CACHD1: variants seen among roughly 807,000 people sequenced by gnomAD.
The protein encoded by CACHD1 is cache domain containing 1, also known as VWFA and cache domain-containing protein 1.
CACHD1 carries 71 observed loss-of-function variants against 138.7 expected under a neutral mutation model. The observed-to-expected ratio is 0.51, with a 90% confidence interval of 0.42 to 0.62. The LOEUF is 0.62. CACHD1 is among the 20% of genes least tolerant of loss of function. CACHD1 has a pLI of 0.00. For missense variants in CACHD1, 1,389 were observed against 1,625.3 expected (o/e 0.85, Z 2.50); for synonymous variants, 578 against 591.5 (o/e 0.98, Z 0.33).
intron 2 of CACHD1, among the ~76,000 whole-genome samples, chr1:64,574,686 G>C (rs1196811959): frequency 6.6e-6 from 1 of 152,058 alleles, no homozygotes; most frequent in African/African-American, 2.4e-5. Flanking sequence ...ATAATACATT[G>C]GATACTCTGC....
chr1:64,676,001 AATAATAATAAT>A lies in CACHD1; in HGVS notation c.2975+20_2975+30del, dbSNP rs1402501335. The A allele has an allele frequency of 9.0e-5, 15 of 166,258 alleles. 1 individual carries two copies. The African/African-American group carries it at 1.1e-3, about 12-fold the overall frequency. 10.3% of individuals were successfully genotyped at this position (166,258 alleles called of 1,614,324 possible). ...GAGAACCGGTAAAATAATTAATAAT[AATAATAATAAT>A]AATAATAATAATAATAATAATAATA... is the stretch of plus-strand genomic sequence containing the variant. On this transcript the variant is annotated intron_variant, in intron 21 of 26. Coordinates refer to ENST00000651257, the MANE Select transcript of CACHD1 (RefSeq NM_020925.4).
At chr1:64,677,692 G>A (rs1650041918) in intron 22 of CACHD1, among the ~76,000 whole-genome samples, 1 of 152,196 alleles carries the variant, frequency 6.6e-6, no homozygotes, top group Admixed American at 6.5e-5. Flanking sequence ...ATATTCTCTT[G>A]AGACAGTCAC....
chr1:64,634,694 T>TA (rs902020588), intron 7 of CACHD1, among the ~76,000 whole-genome samples: 15 of 151,334 alleles, frequency 9.9e-5, no homozygotes, highest in South Asian at 2.1e-4. Context: ...GTAGAGGGAT[T>TA]AAAAAAAAAT....
chr1:64,503,200 G>A (rs1006854829), intron 1 of CACHD1, among the ~76,000 whole-genome samples: 1 of 152,102 alleles, frequency 6.6e-6, no homozygotes, highest in African/African-American at 2.4e-5. Context: ...GCTGATAGTG[G>A]GAGTTTTTTA....
At chr1:64,500,031 A>G (rs373411824) in intron 1 of CACHD1, among the ~76,000 whole-genome samples, 1 of 152,212 alleles carries the variant, frequency 6.6e-6, no homozygotes, top group Non-Finnish European at 1.5e-5. Context: ...TTCTGGTTTA[A>G]TATGTCTTCT....
rs765589477 is a variant in CACHD1, at chr1:64,653,754, G to A, written c.1541-4G>A. On this transcript the variant is annotated splice_region_variant and splice_polypyrimidine_tract_variant and intron_variant, in intron 10 of 26. Transcript: ENST00000651257. ...TTAACATGCATTTTGTTTTCTTATT[G>A]CAGGATATACACTTATGCACCCATC... is the stretch of plus-strand genomic sequence containing the variant. The A allele has an allele frequency of 2.9e-5, 46 of 1,602,420 alleles. 1 individual carries two copies. In the South Asian group the frequency reaches 3.2e-4, roughly 11 times the overall value.
chr1:64,480,627 T>A (rs1369430196), intron 1 of CACHD1, among the ~76,000 whole-genome samples: 1 of 152,086 alleles, frequency 6.6e-6, no homozygotes, highest in Non-Finnish European at 1.5e-5. Flanking sequence ...AGGTAAGTGG[T>A]CAATAACTAT....
At chr1:64,604,959 T>C (rs767618611) in intron 4 of CACHD1, among the ~76,000 whole-genome samples, 10 of 143,074 alleles carry the variant, frequency 7.0e-5, no homozygotes, top group Non-Finnish European at 1.4e-4. Flanking sequence ...GCTTTTTTTC[T>C]TTTTTTTCTT....
chr1:64,668,974 A>T (rs902371582), intron 16 of CACHD1, among the ~76,000 whole-genome samples: 1 of 152,158 alleles, frequency 6.6e-6, no homozygotes, highest in African/African-American at 2.4e-5. Context: ...CAAAAAGTAG[A>T]TTTGCCATTT....
At chr1:64,674,477 C>T (rs955574663) in intron 19 of CACHD1, among the ~76,000 whole-genome samples, 6 of 152,266 alleles carry the variant, frequency 3.9e-5, no homozygotes, top group South Asian at 4.1e-4. Context: ...AAGGCAAATT[C>T]GAATAATTTA....
chr1:64,582,141 A>G lies in CACHD1; in HGVS notation c.262-15A>G. On this transcript the variant is annotated splice_polypyrimidine_tract_variant and intron_variant, in intron 2 of 26. Transcript: ENST00000651257. ...CTTGGACTTTCGATTTATTTTGCTC[A>G]CTGTCATCCCACAGCTAGCCAAAAA... The G allele has an allele frequency of 6.2e-7, 1 of 1,612,918 alleles. No individual in the cohort carries two copies. The highest frequency in any genetic ancestry group is 8.5e-7 in the Non-Finnish European group (1 of 1,179,332).
At position 64,602,791 on chromosome 1, in the gene CACHD1, C is replaced by G. The variant is rs780741848; in HGVS notation, c.411-15C>G. 8 of 1,563,872 alleles carry G rather than the reference C, an allele frequency of 5.1e-6. No homozygotes were observed. Among genetic ancestry groups the G allele is most frequent in the Non-Finnish European group, 7.1e-6 (8 of 1,134,568 alleles). On this transcript the variant is annotated splice_polypyrimidine_tract_variant and intron_variant, in intron 3 of 26. Transcript: ENST00000651257. Reference sequence around the variant, plus strand: ...GGCCTGAATAAGTATTGCTAATTCTCTCCTATTGTTTCAGATTCGATGGGA... The same window carrying G: ...GGCCTGAATAAGTATTGCTAATTCTGTCCTATTGTTTCAGATTCGATGGGA...
intron 12 of CACHD1, 99 bp downstream of exon 12, chr1:64,654,902 A>C (rs1164403674): frequency 2.4e-6 from 2 of 819,074 alleles, no homozygotes; most frequent in Non-Finnish European, 4.1e-6. Flanking sequence ...TGGGTCTGAT[A>C]ATTTGTCTCG....
chr1:64,604,444 G>A (rs1348708859), intron 4 of CACHD1, among the ~76,000 whole-genome samples: 3 of 152,142 alleles, frequency 2.0e-5, no homozygotes, highest in South Asian at 2.1e-4. Flanking sequence ...ACTGGCACAG[G>A]GTGCAAAGCT....
chr1:64,582,281 T>C lies in CACHD1; in HGVS notation c.387T>C (p.Cys129=). ...CCCTAACTGCAATTCAAGACTGCTG[T>C]ACTATCCCACCTTCCATGATGGAGT... ...TSPLTAIQDC[C]TIPPSMMEFD... The change falls in exon 3 of 27, where the codon TGT becomes TGC. Residue 129 remains cysteine (C), a synonymous_variant. Transcript: ENST00000651257. The C allele has an allele frequency of 1.9e-6, 3 of 1,613,870 alleles. No individual in the cohort carries two copies. The highest frequency in any genetic ancestry group is 2.5e-6 in the Non-Finnish European group (3 of 1,179,802).
chr1:64,541,313 A>C (rs1393872965), intron 1 of CACHD1, among the ~76,000 whole-genome samples: 1 of 152,270 alleles, frequency 6.6e-6, no homozygotes, highest in Non-Finnish European at 1.5e-5. Context: ...TAGGACCTAG[A>C]AATTCTAAAG....
chr1:64,484,131 A>AC (rs1646227794), intron 1 of CACHD1, among the ~76,000 whole-genome samples: 1 of 152,038 alleles, frequency 6.6e-6, no homozygotes, highest in Non-Finnish European at 1.5e-5. Context: ...ACTTAGAAGT[A>AC]CCCCATAAAT....
At chr1:64,590,837 T>G (rs539283192) in intron 3 of CACHD1, among the ~76,000 whole-genome samples, 10 of 152,270 alleles carry the variant, frequency 6.6e-5, no homozygotes, top group Admixed American at 4.6e-4. Context: ...TATACCTGAG[T>G]CATGTAGTAC....
chr1:64,678,330 C>G lies in CACHD1; in HGVS notation c.3244+20C>G. On this transcript the variant is annotated intron_variant, in intron 23 of 26. Coordinates refer to ENST00000651257, the MANE Select transcript of CACHD1 (RefSeq NM_020925.4). ...CAATAGGTATGTTTGTTAGATGCCC[C>G]AACAATTTGATTCTTGAATATACAA... is the stretch of plus-strand genomic sequence containing the variant. 1 of 1,530,808 alleles carries G rather than the reference C, an allele frequency of 6.5e-7. No homozygotes were observed. The highest frequency in any genetic ancestry group is 8.8e-7 in the Non-Finnish European group (1 of 1,142,424). The allele number at this position is 1,530,808 out of a possible 1,614,324, so 94.8% of individuals were successfully genotyped here.
Sources: gnomAD v4.1 joint callset for allele counts (sites outside exome capture counted in the v4.1 genomes callset) on GRCh38, gnomAD v4.1.1 for gene constraint, MANE v1.5 for transcripts, NCBI Gene and HGNC (gene_info 2026-07-23, HGNC 2026-07-21) for gene names.